The following MAP6 variants were observed in gnomAD, a reference collection of about 807,000 sequenced individuals.
MAP6 encodes the protein microtubule associated protein 6, also known as microtubule-associated protein 6.
A neutral mutation model predicts 42.4 loss-of-function variants in MAP6; 26 were observed. That is an observed-to-expected ratio of 0.61 (90% CI 0.45 to 0.85). MAP6 has a LOEUF of 0.85. Among genes scored for constraint, MAP6 ranks in the 40% least tolerant of loss-of-function variants. The pLI is 0.00. For synonymous variants in MAP6, 418 were observed against 443.8 expected, an observed-to-expected ratio of 0.94 and a Z score of 0.73; for missense variants, 966 against 1,099.0, an observed-to-expected ratio of 0.88 and a Z score of 1.71.
chr11:75,587,952 T>C lies in MAP6; in HGVS notation c.1549A>G (p.Asn517Asp). 3 of 1,614,004 alleles carry C rather than the reference T, an allele frequency of 1.9e-6. No individual in the cohort carries two copies. The highest frequency in any genetic ancestry group is 2.5e-6 in the Non-Finnish European group (3 of 1,179,992). The change falls in exon 4 of 4, where the codon AAT becomes GAT. Residue 517 changes from asparagine to aspartate, a missense_variant. Around this residue, in one of 2 missense-constraint regions of MAP6, gnomAD observed 943 missense variants for 1,049.9 expected, o/e 0.90. Transcript: ENST00000304771. The part of the protein sequence containing the change: ...QDHTVPEPLK[N>D]ESPVISAPVK... ...GGTGCTGAGATAACAGGGCTTTCAT[T>C]CTTTAAAGGCTCAGGGACCGTGTGA...
chr11:75,664,176 A>G (rs1261770108), intron 1 of MAP6, among the ~76,000 whole-genome samples: 1 of 152,228 alleles, frequency 6.6e-6, no homozygotes, highest in Non-Finnish European at 1.5e-5. Context: ...CATGCTTCTC[A>G]GTTTTACAAT....
chr11:75,651,930 AGCCCTCT>A (rs1239571860), intron 1 of MAP6, among the ~76,000 whole-genome samples: 1 of 152,210 alleles, frequency 6.6e-6, no homozygotes, highest in Non-Finnish European at 1.5e-5. Flanking sequence ...AGCCAGATAC[AGCCCTCT>A]GCCTGTTTTT....
intron 1 of MAP6, among the ~76,000 whole-genome samples, chr11:75,637,263 A>G (rs983661591): frequency 1.3e-5 from 2 of 152,230 alleles, no homozygotes; most frequent in Admixed American, 1.3e-4. Flanking sequence ...TTAATGGCAG[A>G]CCATATATAT....
intron 1 of MAP6, among the ~76,000 whole-genome samples, chr11:75,608,632 G>A (rs1405833993): frequency 2.0e-5 from 3 of 152,164 alleles, no homozygotes; most frequent in Non-Finnish European, 4.4e-5. Context: ...TCTTGAAAAT[G>A]AGACTGAAAA....
At chr11:75,652,934 G>C (rs554147204) in intron 1 of MAP6, among the ~76,000 whole-genome samples, 149 of 152,140 alleles carry the variant, frequency 9.8e-4, no homozygotes, top group Non-Finnish European at 1.6e-3. Flanking sequence ...TTGGGGCACA[G>C]TTCTGTTTAT....
intron 3 of MAP6, chr11:75,605,089 C>G: frequency 1.0e-6 from 1 of 985,442 alleles, no homozygotes; most frequent in Non-Finnish European, 1.2e-6. Context: ...CCTATGACAG[C>G]TGGAATGTAC....
chr11:75,587,956 TA>T lies in MAP6; in HGVS notation c.1544del (p.Leu515Ter). ...KDQDHTVPEPLKNESPVISAP... is the reference protein window; with the variant it reads ...KDQDHTVPEPXKNESPVISAP... The stretch of plus-strand genomic sequence containing the variant: ...CTGAGATAACAGGGCTTTCATTCTT[TA>T]AAGGCTCAGGGACCGTGTGATCTTG... On this transcript the variant is annotated frameshift_variant, in exon 4 of 4. Transcript: ENST00000304771. LOFTEE classifies it low-confidence loss of function (END_TRUNC). 1.2e-6 allele frequency: 2 copies of T among 1,614,078 alleles called. No homozygotes were observed. The highest frequency in any genetic ancestry group is 1.7e-6 in the Non-Finnish European group (2 of 1,180,012).
chr11:75,621,838 C>T (rs1273239560), intron 1 of MAP6, among the ~76,000 whole-genome samples: 2 of 152,118 alleles, frequency 1.3e-5, no homozygotes, highest in Admixed American at 6.5e-5. Flanking sequence ...GCCTGGCCAA[C>T]ACGGGGAAAC....
intron 1 of MAP6, among the ~76,000 whole-genome samples, chr11:75,615,889 G>A (rs1431255232): frequency 6.9e-6 from 1 of 145,554 alleles, no homozygotes; most frequent in Admixed American, 7.4e-5. Flanking sequence ...AGAGCCTGAA[G>A]ACAGCCTGTC....
At chr11:75,662,962 CT>C (rs35877922) in intron 1 of MAP6, among the ~76,000 whole-genome samples, 32,874 of 132,876 alleles carry the variant, frequency 0.25, 4,149 homozygotes, top group African/African-American at 0.42. Context: ...AGGATTTGTA[CT>C]TTTTTTTTTT....
Position 75,608,213 on chromosome 11 carries a change from G to A in MAP6, c.1015C>T (p.Gln339Ter). ...GGCTTGCTGGCCTCTCCTTTGAACT[G>A]AGCACTGTAGCTGGTCTCATGAACC... ...KMVHETSYSA[Q>*]FKGEASKPTT... Residue 339 changes from glutamine (Q) to a stop codon, truncating the protein, a stop_gained, in exon 2 of 4, where the codon CAG (glutamine) becomes TAG (stop). Coordinates refer to ENST00000304771, the MANE Select transcript of MAP6 (RefSeq NM_033063.2). LOFTEE classifies it high-confidence loss of function. 6.2e-7 allele frequency: 1 copy of A among 1,614,184 alleles called. No individual in the cohort carries two copies. The highest frequency in any genetic ancestry group is 8.5e-7 in the Non-Finnish European group (1 of 1,180,012).
rs774471394 is a variant in MAP6, at chr11:75,587,202, G to A, written c.2299C>T (p.Pro767Ser). The A allele has an allele frequency of 4.3e-6, 7 of 1,613,968 alleles. No individual in the cohort carries two copies. The South Asian group carries it at 7.7e-5, about 18-fold the overall frequency. ...ACTGCAGGACCTTGGTCCTTTGCTG[G>A]TACTGGCACCAGAGGATCTTGATCC... ...LKDQDPLVPVPAKDQGPAVPE... is the reference protein window; with the variant it reads ...LKDQDPLVPVSAKDQGPAVPE... The change falls in exon 4 of 4, where the codon CCA (proline) becomes TCA (serine). Residue 767 changes from proline (P) to serine (S), a missense_variant. By Grantham distance (74) the Pro-to-Ser change is moderately conservative (BLOSUM62 -1). Coordinates refer to ENST00000304771, the MANE Select transcript of MAP6 (RefSeq NM_033063.2).
chr11:75,587,690 T>G lies in MAP6; in HGVS notation c.1811A>C (p.Lys604Thr). 1 of 1,613,612 alleles carries G rather than the reference T, an allele frequency of 6.2e-7. No homozygotes were observed. The highest frequency in any genetic ancestry group is 8.5e-7 in the Non-Finnish European group (1 of 1,179,832). The change falls in exon 4 of 4, where the codon AAG becomes ACG. Residue 604 changes from lysine to threonine, a missense_variant. This residue lies in a region of MAP6 where 943 missense variants were observed against 1,049.9 expected (regional missense o/e 0.90). Coordinates refer to ENST00000304771, the MANE Select transcript of MAP6 (RefSeq NM_033063.2). Reference protein sequence around the residue: ...DQGPMVSAPVKDQGPIVPAPV... With the variant: ...DQGPMVSAPVTDQGPIVPAPV... The stretch of plus-strand genomic sequence containing the variant: ...TGCTGGGACTATGGGACCTTGATCC[T>G]TGACAGGTGCTGAGACCATGGGACC...
chr11:75,603,523 G>A, intron 3 of MAP6: 2 of 980,916 alleles, frequency 2.0e-6, no homozygotes, highest in Non-Finnish European at 1.2e-6. Flanking sequence ...ATACTGACAG[G>A]TTGAAAAAGA....
chr11:75,657,333 G>T (rs1166162456), intron 1 of MAP6, among the ~76,000 whole-genome samples: 1 of 152,098 alleles, frequency 6.6e-6, no homozygotes, highest in East Asian at 1.9e-4. Context: ...GGATGGTCTC[G>T]ATTTCCTGAC....
intron 1 of MAP6, among the ~76,000 whole-genome samples, chr11:75,641,863 T>C (rs1943476553): frequency 6.6e-6 from 1 of 152,186 alleles, no homozygotes; most frequent in South Asian, 2.1e-4. Context: ...ACTCAAATGT[T>C]AGTATTTCAG....
At chr11:75,628,387 G>T (rs541720867) in intron 1 of MAP6, among the ~76,000 whole-genome samples, 2 of 152,170 alleles carry the variant, frequency 1.3e-5, no homozygotes, top group Non-Finnish European at 1.5e-5. Flanking sequence ...CAAAGCACCC[G>T]CAAGACAAAG....
Position 75,668,529 on chromosome 11 carries a change from C to T in MAP6, c.-160G>A, listed in dbSNP as rs938591646. On this transcript the variant is annotated 5_prime_UTR_variant, in exon 1 of 4. The change creates a new upstream start codon in the 5' untranslated region. Transcript: ENST00000304771. ...GTTCGCCCTCCTCCCTCAGCGAGCA[C>T]CCGGGGAGAGCTGTCCTAGGAGAGT... The T allele has an allele frequency of 9.3e-7, 1 of 1,074,816 alleles. No individual in the cohort carries two copies. The highest frequency in any genetic ancestry group is 1.2e-6 in the Non-Finnish European group (1 of 813,908). The allele number at this position is 1,074,816 out of a possible 1,614,324, so 66.6% of individuals were successfully genotyped here. A position where few individuals can be genotyped will look rare whatever the true frequency, so the allele number is the denominator to read the frequency against.
intron 1 of MAP6, among the ~76,000 whole-genome samples, chr11:75,610,044 G>C (rs1179136866): frequency 3.3e-5 from 5 of 152,294 alleles, no homozygotes; most frequent in Admixed American, 6.5e-5. Context: ...AAGAGGAAGA[G>C]AGACCTCAAC....
Sources: gnomAD v4.1 joint callset for allele counts (sites outside exome capture counted in the v4.1 genomes callset) on GRCh38, gnomAD v4.1.1 for gene constraint, gnomAD v4.1.1 regional missense constraint, MANE v1.5 for transcripts, NCBI Gene and HGNC (gene_info 2026-07-23, HGNC 2026-07-21) for gene names.